The following MTTP variants were observed in gnomAD, a reference collection of about 807,000 sequenced individuals.
The protein encoded by MTTP is microsomal triglyceride transfer protein.
A neutral mutation model predicts 90.6 loss-of-function variants in MTTP; 49 were observed. The ratio of observed to expected loss-of-function variants is 0.54; its 90% CI spans 0.43 to 0.69. MTTP has a LOEUF of 0.69. Ranked by LOEUF, MTTP falls within the 30% of genes least tolerant of loss-of-function variation. The pLI is 0.00. For missense variants in MTTP, 945 were observed against 1,067.5 expected (o/e 0.89, Z 1.60); for synonymous variants, 347 against 384.2 (o/e 0.90, Z 1.13).
At chr4:99,594,015 T>C (rs558506792) in intron 6 of MTTP, among the ~76,000 whole-genome samples, 1 of 152,294 alleles carries the variant, frequency 6.6e-6, no homozygotes, top group South Asian at 2.1e-4. Context: ...ATGTATCTGG[T>C]GCATGGGCTG....
chr4:99,601,495 T>A (rs1362602913), intron 9 of MTTP, 112 bp from the exon 10 acceptor site: 14 of 849,516 alleles, frequency 1.6e-5, no homozygotes, highest in Non-Finnish European at 2.7e-5. Flanking sequence ...GAGTTTGCAA[T>A]CTAGAAACAT....
intron 1 of MTTP, among the ~76,000 whole-genome samples, chr4:99,575,891 T>C (rs1258524927): frequency 6.6e-6 from 1 of 152,204 alleles, no homozygotes; most frequent in Non-Finnish European, 1.5e-5. Context: ...TAGAAAACAA[T>C]TCACTTATAA....
In MTTP at chr4:99,606,896, G is replaced by A. The variant is rs1395501990; in HGVS notation, c.1493G>A (p.Gly498Glu). 6.2e-7 allele frequency: 1 copy of A among 1,613,908 alleles called. No individual in the cohort carries two copies. The highest frequency in any genetic ancestry group is 1.1e-5 in the South Asian group (1 of 91,062). Reference sequence around the variant, plus strand: ...CTGAAGTATGCAGAAGCAGGAGAAGGGCCCATCAGCCACCTGGCTACCACT... The same window carrying A: ...CTGAAGTATGCAGAAGCAGGAGAAGAGCCCATCAGCCACCTGGCTACCACT... Reference protein sequence around the residue: ...SLLKYAEAGEGPISHLATTAL... With the variant: ...SLLKYAEAGEEPISHLATTAL... Residue 498 changes from glycine to glutamate, a missense_variant, in exon 11 of 18, where the codon GGG becomes GAG. Physicochemically the swap from Gly to Glu is moderately conservative, Grantham distance 98 (BLOSUM62 -2). Coordinates refer to ENST00000265517, the MANE Select transcript of MTTP (RefSeq NM_001386140.1).
chr4:99,594,665 T>G (rs979961360), intron 6 of MTTP, 68 bp from the exon 7 acceptor site: 1 of 1,572,486 alleles, frequency 6.4e-7, no homozygotes, highest in Admixed American at 1.7e-5. Flanking sequence ...GCCAAAAGAA[T>G]GGCAATTAGT....
chr4:99,587,780 C>G lies in MTTP; in HGVS notation c.394-1863C>G, dbSNP rs377680287. 1.2e-3 allele frequency among the ~76,000 whole-genome samples: 175 copies of G among 152,106 alleles called. 5 individuals carry two copies. The South Asian group carries it at 0.036, about 31-fold the overall frequency. On this transcript the variant is annotated intron_variant, in intron 3 of 17. Transcript: ENST00000265517. ...TTTGGGGCAATCTAGTTATGAACTT[C>G]TAATGGTCATGATACCTGGAGATAC...
chr4:99,620,378 G>A (rs1351856891), intron 16 of MTTP, among the ~76,000 whole-genome samples: 1 of 152,178 alleles, frequency 6.6e-6, no homozygotes, highest in Admixed American at 6.5e-5. Context: ...TAAGTCTTCT[G>A]TTGAAATTAT....
chr4:99,606,635 C>A, intron 10 of MTTP, 113 bp from the exon 11 acceptor site: 1 of 1,055,742 alleles, frequency 9.5e-7, no homozygotes, highest in Non-Finnish European at 1.5e-6. Flanking sequence ...GCAACCAATG[C>A]AAAACTTTGT....
upstream of MTTP, among the ~76,000 whole-genome samples, chr4:99,570,452 G>C (rs1326769386): frequency 1.3e-5 from 2 of 151,778 alleles, no homozygotes; most frequent in Non-Finnish European, 2.9e-5. Flanking sequence ...CTCTCTCTCT[G>C]ATATTCTGCA....
chr4:99,575,731 C>G (rs1181207056), intron 1 of MTTP, among the ~76,000 whole-genome samples: 1 of 152,152 alleles, frequency 6.6e-6, no homozygotes, highest in Non-Finnish European at 1.5e-5. Context: ...TTCAGATCAG[C>G]TACATTATAA....
At chr4:99,572,114 A>G (rs758775139), upstream of MTTP, among the ~76,000 whole-genome samples, 29 of 151,944 alleles carry the variant, frequency 1.9e-4, no homozygotes, top group Non-Finnish European at 4.0e-4. Flanking sequence ...ACACAACTGT[A>G]CTTTGGAATT....
intron 1 of MTTP, among the ~76,000 whole-genome samples, chr4:99,564,834 T>A (rs945110315): frequency 6.6e-6 from 1 of 152,214 alleles, no homozygotes; most frequent in African/African-American, 2.4e-5. Flanking sequence ...CTTCAGTGAA[T>A]AGAAAATTAA....
chr4:99,566,164 C>T (rs1016728503), intron 1 of MTTP, among the ~76,000 whole-genome samples: 1 of 151,892 alleles, frequency 6.6e-6, no homozygotes, highest in Non-Finnish European at 1.5e-5. Flanking sequence ...TGGCGGGCGC[C>T]TGTAGTCCCG....
In MTTP at chr4:99,600,656, A is replaced by T; in HGVS notation, c.1159A>T (p.Ile387Phe). Residue 387 changes from isoleucine to phenylalanine, a missense_variant, in exon 9 of 18, where the codon ATT becomes TTT. By Grantham distance (21) the Ile-to-Phe change is conservative. Transcript: ENST00000265517. ...DFLDFKSDSS[I>F]ILQERFLYAC... The stretch of plus-strand genomic sequence containing the variant: ...TTTGGATTTCAAAAGTGACAGCAGC[A>T]TTATCCTCCAGGAGAGGTTTCTCTA... 6.2e-7 allele frequency: 1 copy of T among 1,613,882 alleles called. No individual in the cohort carries two copies. The highest frequency in any genetic ancestry group is 2.2e-5 in the East Asian group (1 of 44,848).
chr4:99,566,243 CCTGCCA>C (rs1263965405), intron 1 of MTTP, among the ~76,000 whole-genome samples: 2 of 147,242 alleles, frequency 1.4e-5, no homozygotes, highest in Non-Finnish European at 3.0e-5. Flanking sequence ...GAGGCGAGAT[CCTGCCA>C]CTGCACTCCA....
chr4:99,589,552 G>A, intron 3 of MTTP, 91 bp from the exon 4 acceptor site: 1 of 770,230 alleles, frequency 1.3e-6, no homozygotes, highest in Non-Finnish European at 2.3e-6. Flanking sequence ...GATTAATACA[G>A]GTAAGAATCT....
intron 8 of MTTP, among the ~76,000 whole-genome samples, chr4:99,598,725 G>T (rs550861409): frequency 1.5e-5 from 2 of 137,486 alleles, no homozygotes; most frequent in African/African-American, 2.8e-5. Context: ...GTGCAATGGC[G>T]CAATCTTGGC....
At position 99,600,558 on chromosome 4, in the gene MTTP, T is replaced by C. The variant is rs760697470; in HGVS notation, c.1068-7T>C. 11 of 1,613,300 alleles carry C rather than the reference T, an allele frequency of 6.8e-6. No homozygotes were observed. In the Admixed American group the frequency reaches 1.2e-4, roughly 17 times the overall value. ...ATTGATATCCATGATTATGCCTTTT[T>C]TTATAGACCTCAGCTGGTGGATGCT... On this transcript the variant is annotated splice_region_variant and splice_polypyrimidine_tract_variant and intron_variant, in intron 8 of 17. Coordinates refer to ENST00000265517, the MANE Select transcript of MTTP (RefSeq NM_001386140.1).
At chr4:99,581,630 AC>A (rs1049706269) in intron 1 of MTTP, among the ~76,000 whole-genome samples, 1 of 150,666 alleles carries the variant, frequency 6.6e-6, no homozygotes, top group South Asian at 2.1e-4. Context: ...ACAAAAAAAA[AC>A]CCAAAATATC....
intron 7 of MTTP, among the ~76,000 whole-genome samples, chr4:99,596,677 A>G (rs897832114): frequency 2.6e-5 from 4 of 152,196 alleles, no homozygotes; most frequent in Admixed American, 1.3e-4. Flanking sequence ...AGTTCTCATT[A>G]TTTTATCTCT....
Sources: gnomAD v4.1 joint callset for allele counts (sites outside exome capture counted in the v4.1 genomes callset) on GRCh38, gnomAD v4.1.1 for gene constraint, MANE v1.5 for transcripts, NCBI Gene and HGNC (gene_info 2026-07-23, HGNC 2026-07-21) for gene names.